PTPRE: variants seen among roughly 807,000 people sequenced by gnomAD.
PTPRE encodes receptor-type tyrosine-protein phosphatase epsilon.
In PTPRE, 51 loss-of-function variants were observed where a neutral mutation model predicts 102.0. The observed-to-expected ratio is 0.50, with a 90% confidence interval of 0.40 to 0.63. The LOEUF is 0.63. Among genes scored for constraint, PTPRE ranks in the 30% least tolerant of loss-of-function variants. The pLI is 0.00. For synonymous variants in PTPRE, 345 were observed against 348.2 expected, an observed-to-expected ratio of 0.99 and a Z score of 0.10; for missense variants, 752 against 915.1, an observed-to-expected ratio of 0.82 and a Z score of 2.30.
In PTPRE at chr10:127,987,400, C is replaced by T. The variant is rs1166840356; in HGVS notation, c.-8+5104C>T. 8.0e-6 allele frequency: 10 copies of T among 1,247,534 alleles called. No individual in the cohort carries two copies. In the East Asian group the frequency reaches 2.3e-4, roughly 28 times the overall value. The allele number at this position is 1,247,534 out of a possible 1,614,324, so 77.3% of individuals were successfully genotyped here. Reference sequence around the variant, plus strand: ...GTCTTCCCAGGAAGACAAGAGGTAACGGGGAGCTCAGAGGGGTCTTTCTTG... The same window carrying T: ...GTCTTCCCAGGAAGACAAGAGGTAATGGGGAGCTCAGAGGGGTCTTTCTTG... On this transcript the variant is annotated intron_variant, in intron 2 of 20. Transcript: ENST00000254667.
intron 2 of PTPRE, chr10:127,999,166 G>A (rs1853604628): frequency 6.6e-6 from 1 of 152,102 alleles, no homozygotes; most frequent in Non-Finnish European, 1.5e-5. Context: ...CATGCCTAAA[G>A]TCACCGAGAC....
chr10:128,040,847 C>T (rs1847629093), intron 2 of PTPRE, 28 bp from the exon 3 acceptor site: 2 of 1,591,492 alleles, frequency 1.3e-6, no homozygotes, highest in Admixed American at 1.7e-5. Context: ...GCTGGATGAC[C>T]TCTGAGCCTG....
At chr10:128,076,572 C>T (rs746521233) in intron 17 of PTPRE, 31 bp from the exon 18 acceptor site, 3 of 1,544,844 alleles carry the variant, frequency 1.9e-6, no homozygotes, top group Non-Finnish European at 2.6e-6. Context: ...TTATTTATTA[C>T]AAGACTTAAA....
intron 2 of PTPRE, among the ~76,000 whole-genome samples, chr10:127,984,078 CTTTT>C (rs58130253): frequency 4.8e-5 from 6 of 125,382 alleles, no homozygotes; most frequent in African/African-American, 6.4e-5. Context: ...TTCTTTCTTT[CTTTT>C]TTTTTTTTTT....
At chr10:127,926,505 G>A (rs1470561900) in intron 1 of PTPRE, among the ~76,000 whole-genome samples, 5 of 152,084 alleles carry the variant, frequency 3.3e-5, no homozygotes, top group African/African-American at 1.2e-4. Context: ...ATATAGTGGA[G>A]GTATTTTGTT....
intron 17 of PTPRE, among the ~76,000 whole-genome samples, chr10:128,074,293 G>A (rs1388395328): frequency 1.3e-5 from 2 of 152,190 alleles, no homozygotes; most frequent in Non-Finnish European, 2.9e-5. Flanking sequence ...GTATTTGCTT[G>A]TGTGGATATA....
Position 127,907,443 on chromosome 10 carries a change from C to A in PTPRE, c.-31+134C>A. 1 of 639,252 alleles carries A rather than the reference C, an allele frequency of 1.6e-6. No individual in the cohort carries two copies. Among genetic ancestry groups the A allele is most frequent in the Non-Finnish European group, 1.9e-6 (1 of 514,568 alleles). The allele number at this position is 639,252 out of a possible 1,614,324, so 39.6% of individuals were successfully genotyped here. On this transcript the variant is annotated intron_variant, in intron 1 of 20. Transcript: ENST00000254667. This position sits in a 1 kb window ranked among gnomAD's most constrained non-coding sequence, Gnocchi z 4.8. ...GCCGCTCCGGGGCTCAGAGTCCGGA[C>A]CCCGGCCCCGCCGCCCCCGCGGCGC...
chr10:128,025,164 AAAAAAAAAAAAAAAAAAGAACAG>A (rs1257725140), intron 2 of PTPRE, among the ~76,000 whole-genome samples: 2 of 150,956 alleles, frequency 1.3e-5, no homozygotes, highest in African/African-American at 4.9e-5. Context: ...GTCTCAAAAA[AAAAAAAAAAAAAAAAAAGAACAG>A]AAAAAAGCAC....
In PTPRE at chr10:127,959,183, A is replaced by G. The variant is rs532316524; in HGVS notation, c.-30-23091A>G. ...AGTGCTGGGATTATAGGCATGAGCCACCACGCCCGGCTGAAATTGCCTATT... is the reference window on the plus strand; with the variant it reads ...AGTGCTGGGATTATAGGCATGAGCCGCCACGCCCGGCTGAAATTGCCTATT... On this transcript the variant is annotated intron_variant, in intron 1 of 20. Transcript: ENST00000254667. Among the ~76,000 whole-genome samples the G allele has an allele frequency of 1.1e-4, 16 of 152,346 alleles. No individual in the cohort carries two copies. In the East Asian group the frequency reaches 2.9e-3, roughly 28 times the overall value.
rs1850828133 is a variant in PTPRE at position 128,072,166 on chromosome 10, G to A, written c.1416G>A (p.Met472Ile). ...PYDFNRVILS[M>I]KRGQEYTDYI... ...ACTTCAACCGAGTGATCCTTTCCATGAAAAGGGGTCAAGAATACACAGACT... is the reference window on the plus strand; with the variant it reads ...ACTTCAACCGAGTGATCCTTTCCATAAAAAGGGGTCAAGAATACACAGACT... The change falls in exon 16 of 21, where the codon ATG (methionine) becomes ATA (isoleucine). Residue 472 changes from methionine to isoleucine, a missense_variant. Physicochemically the swap from Met to Ile is conservative, Grantham distance 10. This residue lies in a region of PTPRE where 636 missense variants were observed against 824.4 expected (regional missense o/e 0.77). Coordinates refer to ENST00000254667, the MANE Select transcript of PTPRE (RefSeq NM_006504.6). 1.2e-6 allele frequency: 2 copies of A among 1,613,928 alleles called. No homozygotes were observed. Among genetic ancestry groups the A allele is most frequent in the African/African-American group, 1.3e-5 (1 of 74,904 alleles).
intron 1 of PTPRE, among the ~76,000 whole-genome samples, chr10:127,913,687 A>C (rs1846018691): frequency 6.6e-6 from 1 of 152,160 alleles, no homozygotes; most frequent in Non-Finnish European, 1.5e-5. Flanking sequence ...GAACGCACCC[A>C]CCAAGCACAG....
chr10:127,977,785 C>T (rs979931832), intron 1 of PTPRE, among the ~76,000 whole-genome samples: 2 of 152,244 alleles, frequency 1.3e-5, no homozygotes, highest in Admixed American at 6.5e-5. Flanking sequence ...ACTGGCCTGA[C>T]CTTGCCTGCC....
At position 128,028,868 on chromosome 10, in the gene PTPRE, C is replaced by T. The variant is rs1478915148; in HGVS notation, c.-7-12007C>T. Among the ~76,000 whole-genome samples the T allele has an allele frequency of 2.6e-5, 4 of 152,170 alleles. No homozygotes were observed. The highest frequency in any genetic ancestry group is 9.7e-5 in the African/African-American group (4 of 41,446). On this transcript the variant is annotated intron_variant, in intron 2 of 20. Coordinates refer to ENST00000254667, the MANE Select transcript of PTPRE (RefSeq NM_006504.6). The surrounding 1 kb of genome is among the most constrained non-coding windows in gnomAD (Gnocchi z 4.5). ...GCCCTGGCCACCCCAGACGTCTGGC[C>T]CTCGTCCCGAATGCTGTCCCCTCTG...
intron 1 of PTPRE, among the ~76,000 whole-genome samples, chr10:127,947,193 TA>T (rs1220190484): frequency 6.6e-6 from 1 of 152,228 alleles, no homozygotes; most frequent in Non-Finnish European, 1.5e-5. Flanking sequence ...GTTTTTATAA[TA>T]CAGTGATCAC....
chr10:128,081,431 A>G (rs1376968361), intron 20 of PTPRE, among the ~76,000 whole-genome samples: 1 of 152,164 alleles, frequency 6.6e-6, no homozygotes, highest in Non-Finnish European at 1.5e-5. Flanking sequence ...TCCAAAGTAC[A>G]CTTCATCCAT....
At chr10:127,937,567 A>C (rs1274685287) in intron 1 of PTPRE, among the ~76,000 whole-genome samples, 1 of 152,210 alleles carries the variant, frequency 6.6e-6, no homozygotes, top group Non-Finnish European at 1.5e-5. Context: ...TTTTAAAATA[A>C]GCTACTTGTG....
At chr10:127,915,058 A>G (rs1846116235) in intron 1 of PTPRE, among the ~76,000 whole-genome samples, 1 of 152,248 alleles carries the variant, frequency 6.6e-6, no homozygotes, top group Non-Finnish European at 1.5e-5. Flanking sequence ...TAGTAACTCA[A>G]TCCAGGCCAA....
intron 1 of PTPRE, among the ~76,000 whole-genome samples, chr10:127,949,756 A>G (rs1329711484): frequency 6.6e-6 from 1 of 152,148 alleles, no homozygotes; most frequent in Non-Finnish European, 1.5e-5. Flanking sequence ...ATTGCTGAAA[A>G]TCAAACACAA....
chr10:127,984,980 G>A (rs1851959535), intron 2 of PTPRE, among the ~76,000 whole-genome samples: 1 of 152,220 alleles, frequency 6.6e-6, no homozygotes, highest in Admixed American at 6.5e-5. Context: ...TTTGAGACGT[G>A]TACAGAGCTT....
Sources: gnomAD v4.1 joint callset for allele counts (sites outside exome capture counted in the v4.1 genomes callset) on GRCh38, gnomAD v4.1.1 for gene constraint, gnomAD v4.1.1 regional missense constraint, Gnocchi (gnomAD v3.1) non-coding constraint, MANE v1.5 for transcripts, NCBI Gene and HGNC (gene_info 2026-07-23, HGNC 2026-07-21) for gene names.